Variants in LRIG1 observed in about 807,000 individuals in gnomAD.
LRIG1 encodes the protein leucine-rich repeats and immunoglobulin-like domains protein 1.
In LRIG1, 48 loss-of-function variants were observed where a neutral mutation model predicts 99.2. That is an observed-to-expected ratio of 0.48 (90% CI 0.38 to 0.62). LRIG1 has a LOEUF of 0.62. LRIG1 is among the 20% of genes least tolerant of loss of function. The probability of loss-of-function intolerance (pLI) is 0.00; values close to 1 mark genes in which losing one functional copy is unlikely to be tolerated. For missense variants in LRIG1, 1,646 were observed against 1,434.4 expected (o/e 1.15, Z -2.38); for synonymous variants, 772 against 596.1 (o/e 1.29, Z -4.30).
intron 17 of LRIG1, among the ~76,000 whole-genome samples, chr3:66,381,178 A>G (rs2242285): frequency 0.63 from 96,464 of 152,048 alleles, 31,054 homozygotes; most frequent in East Asian, 0.81. Flanking sequence ...AATAAGCCTC[A>G]AAATAGCCCT....
intron 3 of LRIG1, among the ~76,000 whole-genome samples, chr3:66,427,514 C>T (rs810688): frequency 0.94 from 142,686 of 152,276 alleles, 67,294 homozygotes; most frequent in Non-Finnish European, 1. Context: ...TGTCAGAAGA[C>T]ACAGGCTGGG....
At chr3:66,398,759 AG>A (rs1290626430) in intron 10 of LRIG1, among the ~76,000 whole-genome samples, 1 of 152,230 alleles carries the variant, frequency 6.6e-6, no homozygotes, top group Non-Finnish European at 1.5e-5. Flanking sequence ...ATTAACTGGG[AG>A]CACATCCACT....
intron 2 of LRIG1, among the ~76,000 whole-genome samples, chr3:66,453,656 T>C (rs1703980380): frequency 6.6e-6 from 1 of 152,188 alleles, no homozygotes; most frequent in African/African-American, 2.4e-5. Context: ...AAGTCACTCA[T>C]CTAGGGTCAT....
intron 11 of LRIG1, among the ~76,000 whole-genome samples, chr3:66,395,758 G>A (rs1701824454): frequency 6.6e-6 from 1 of 152,196 alleles, no homozygotes; most frequent in African/African-American, 2.4e-5. Flanking sequence ...GGGGAGGGCA[G>A]CTCCCAGGAG....
chr3:66,449,504 A>C (rs926120020), intron 3 of LRIG1, among the ~76,000 whole-genome samples: 6 of 152,226 alleles, frequency 3.9e-5, no homozygotes, highest in African/African-American at 9.6e-5. Flanking sequence ...AAGGCCAAAC[A>C]GCCCCACTTC....
chr3:66,455,527 T>C (rs574820075), intron 2 of LRIG1, among the ~76,000 whole-genome samples: 1 of 152,258 alleles, frequency 6.6e-6, no homozygotes, highest in Non-Finnish European at 1.5e-5. Context: ...GGTGGCACAG[T>C]AGTCCTCTGC....
intron 15 of LRIG1, 113 bp from the exon 16 acceptor site, chr3:66,382,511 G>T: frequency 8.1e-7 from 1 of 1,235,608 alleles, no homozygotes; most frequent in Non-Finnish European, 1.2e-6. Flanking sequence ...CATCAGCGCT[G>T]TGCAGAGAGA....
intron 1 of LRIG1, among the ~76,000 whole-genome samples, chr3:66,480,382 G>A (rs1175401866): frequency 1.3e-5 from 2 of 151,682 alleles, no homozygotes; most frequent in East Asian, 3.9e-4. Flanking sequence ...TAGTAGTTAC[G>A]CAAATCTACG....
intron 3 of LRIG1, among the ~76,000 whole-genome samples, chr3:66,429,563 G>A (rs539853590): frequency 1.3e-5 from 2 of 152,280 alleles, no homozygotes; most frequent in Admixed American, 6.5e-5. Context: ...CCAGAGGCTG[G>A]GTAGAGAGAG....
intron 3 of LRIG1, among the ~76,000 whole-genome samples, chr3:66,433,898 G>A (rs1461135780): frequency 6.6e-6 from 1 of 152,152 alleles, no homozygotes; most frequent in Non-Finnish European, 1.5e-5. Flanking sequence ...TTTCTTTTGT[G>A]GAACCACAAG....
rs1288769911 is a variant in LRIG1 at position 66,398,998 on chromosome 3, A to G, written c.1204T>C (p.Phe402Leu). 1 of 1,614,222 alleles carries G rather than the reference A, an allele frequency of 6.2e-7. No homozygotes were observed. Among genetic ancestry groups the G allele is most frequent in the Non-Finnish European group, 8.5e-7 (1 of 1,180,030 alleles). The change falls in exon 10 of 19, where the codon TTC (phenylalanine) becomes CTC (leucine). Residue 402 changes from phenylalanine (F) to leucine (L), a missense_variant. Transcript: ENST00000273261. Reference protein sequence around the residue: ...NKIKSVAKRAFSGLEGLEHLN... With the variant: ...NKIKSVAKRALSGLEGLEHLN... ...TGCTCCAGGCCTTCCAGCCCCGAGA[A>G]TGCTCTCTTAGCCACAGACTTGATC...
chr3:66,383,814 A>AAGAG (rs753398406), intron 14 of LRIG1, among the ~76,000 whole-genome samples, 177 bp downstream of exon 14: 45 of 152,296 alleles, frequency 3.0e-4, no homozygotes, highest in Non-Finnish European at 3.2e-4. Context: ...ATTTCTTTTA[A>AAGAG]AGAGATAGAA....
At chr3:66,433,562 G>T (rs1703248463) in intron 3 of LRIG1, among the ~76,000 whole-genome samples, 2 of 152,252 alleles carry the variant, frequency 1.3e-5, no homozygotes, top group South Asian at 4.1e-4. Flanking sequence ...GGATACCACT[G>T]ATGTGCCTTT....
chr3:66,446,046 T>G (rs931168484), intron 3 of LRIG1, among the ~76,000 whole-genome samples: 3 of 152,258 alleles, frequency 2.0e-5, no homozygotes, highest in African/African-American at 7.2e-5. Context: ...AGGCTCACTC[T>G]TTAATTACAC....
At chr3:66,414,553 A>AAGGTACAG (rs1702565051) in intron 5 of LRIG1, among the ~76,000 whole-genome samples, 1 of 152,216 alleles carries the variant, frequency 6.6e-6, no homozygotes, top group Non-Finnish European at 1.5e-5. Context: ...CACCATGTCC[A>AAGGTACAG]AGGTACAGAT....
At chr3:66,486,905 A>G (rs1700987333) in intron 1 of LRIG1, among the ~76,000 whole-genome samples, 1 of 152,246 alleles carries the variant, frequency 6.6e-6, no homozygotes, top group Admixed American at 6.5e-5. Flanking sequence ...TTCATCTCAC[A>G]GAACAAGTGT....
At chr3:66,405,464 A>G (rs1225767468) in intron 8 of LRIG1, among the ~76,000 whole-genome samples, 186 bp from the exon 9 acceptor site, 1 of 152,178 alleles carries the variant, frequency 6.6e-6, no homozygotes, top group African/African-American at 2.4e-5. Flanking sequence ...CCTTCCAACC[A>G]AGATGACACA....
intron 3 of LRIG1, among the ~76,000 whole-genome samples, chr3:66,420,023 G>A (rs556690363): frequency 9.2e-5 from 14 of 152,246 alleles, no homozygotes; most frequent in South Asian, 6.2e-4. Flanking sequence ...GGCATCCCAC[G>A]GAATAAGAGA....
chr3:66,481,431 T>A lies in LRIG1; in HGVS notation c.218+18759A>T, dbSNP rs1010406391. ...CACCTTCTAGGGAGGCTGTGCCCAA[T>A]TTAATAAAGCCGACATTGTCCCTAG... On this transcript the variant is annotated intron_variant, in intron 1 of 18. Transcript: ENST00000273261. 3.3e-5 allele frequency among the ~76,000 whole-genome samples: 5 copies of A among 152,228 alleles called. No individual in the cohort carries two copies. In the East Asian group the frequency reaches 9.7e-4, roughly 29 times the overall value.
Sources: allele counts gnomAD v4.1 joint callset (sites outside exome capture counted in the v4.1 genomes callset), GRCh38; gene constraint gnomAD v4.1.1; transcripts MANE v1.5; gene names NCBI Gene and HGNC (gene_info 2026-07-23, HGNC 2026-07-21).